The following PRKCA variants were observed in gnomAD, a reference collection of about 807,000 sequenced individuals.
PRKCA encodes protein kinase C alpha.
A neutral mutation model predicts 87.0 loss-of-function variants in PRKCA; 27 were observed. The observed-to-expected ratio is 0.31, with a 90% CI of 0.23 to 0.43. The LOEUF is 0.43. Ranked by LOEUF, PRKCA falls within the 20% of genes least tolerant of loss-of-function variation. PRKCA has a pLI of 1.00. For missense variants in PRKCA, 518 were observed against 852.3 expected (o/e 0.61, Z 4.88); for synonymous variants, 329 against 311.1 (o/e 1.06, Z -0.61).
chr17:66,470,292 C>A (rs1192273516), intron 2 of PRKCA, among the ~76,000 whole-genome samples: 16 of 144,204 alleles, frequency 1.1e-4, no homozygotes, highest in Non-Finnish European at 2.4e-4. Flanking sequence ...TGCCACCCCC[C>A]CTCCCCAACC....
intron 2 of PRKCA, among the ~76,000 whole-genome samples, chr17:66,482,098 C>CAAAAAAAAAAAAAAAAAAAAAA (rs58719328): frequency 1.1e-5 from 1 of 89,344 alleles, no homozygotes; most frequent in Non-Finnish European, 2.1e-5. Flanking sequence ...AAGACTGTCT[C>CAAAAAAAAAAAAAAAAAAAAAA]AAAAAAAAAA....
chr17:66,367,646 A>G (rs995222045), intron 2 of PRKCA, among the ~76,000 whole-genome samples: 1 of 152,150 alleles, frequency 6.6e-6, no homozygotes, highest in African/African-American at 2.4e-5. Context: ...TCCTGGTTAA[A>G]TGTCTACTTA....
intron 2 of PRKCA, among the ~76,000 whole-genome samples, chr17:66,349,453 G>A (rs1907601811): frequency 6.6e-6 from 1 of 152,106 alleles, no homozygotes; most frequent in African/African-American, 2.4e-5. Context: ...GACCTGGCTT[G>A]GTGAGTATGG....
intron 2 of PRKCA, among the ~76,000 whole-genome samples, chr17:66,465,963 G>A (rs982223280): frequency 6.6e-6 from 1 of 151,956 alleles, no homozygotes; most frequent in Non-Finnish European, 1.5e-5. Context: ...ATAGCCTAAT[G>A]TAATCTCAGC....
At chr17:66,673,334 G>A (rs535879971) in intron 5 of PRKCA, among the ~76,000 whole-genome samples, 2 of 152,252 alleles carry the variant, frequency 1.3e-5, no homozygotes, top group East Asian at 3.9e-4. Context: ...ACGTGAATGG[G>A]ACAGAAATTC....
At chr17:66,616,395 G>T (rs112307201) in intron 3 of PRKCA, among the ~76,000 whole-genome samples, 1 of 152,150 alleles carries the variant, frequency 6.6e-6, no homozygotes, top group South Asian at 2.1e-4. Context: ...CTTTCCTCAC[G>T]TAGATGATGA....
At chr17:66,593,232 C>T (rs190461156) in intron 3 of PRKCA, among the ~76,000 whole-genome samples, 2 of 152,244 alleles carry the variant, frequency 1.3e-5, no homozygotes, top group Admixed American at 1.3e-4. Context: ...GTGTTTCCTC[C>T]CATGTAGCAG....
chr17:66,713,067 T>TTTTTTTTTG (rs1403247186), intron 8 of PRKCA, among the ~76,000 whole-genome samples: 11 of 145,666 alleles, frequency 7.6e-5, no homozygotes, highest in Non-Finnish European at 9.0e-5. Flanking sequence ...TTTTTTTTTT[T>TTTTTTTTTG]TTGAGATGGA....
At chr17:66,784,720 T>G (rs1450080624) in intron 14 of PRKCA, among the ~76,000 whole-genome samples, 1 of 152,222 alleles carries the variant, frequency 6.6e-6, no homozygotes, top group Non-Finnish European at 1.5e-5. Flanking sequence ...AAGGATGACC[T>G]GCACTGTAGC....
intron 14 of PRKCA, chr17:66,775,002 G>A (rs1276790254): frequency 1.3e-5 from 13 of 985,416 alleles, no homozygotes; most frequent in Non-Finnish European, 1.6e-5. Context: ...TGTCATCAGG[G>A]TGAATCGTAC....
At chr17:66,447,901 A>T (rs916621788) in intron 2 of PRKCA, among the ~76,000 whole-genome samples, 2 of 151,680 alleles carry the variant, frequency 1.3e-5, no homozygotes, top group African/African-American at 2.4e-5. Context: ...AGAACTAGGG[A>T]CTCCTGTGCC....
At chr17:66,638,369 A>G (rs1971201194) in intron 3 of PRKCA, 1 of 152,072 alleles carries the variant, frequency 6.6e-6, no homozygotes, top group Admixed American at 6.6e-5. Flanking sequence ...ACTGTTTCAT[A>G]TAAAAAAAAA....
At chr17:66,569,741 CAG>C (rs1380384370) in intron 3 of PRKCA, among the ~76,000 whole-genome samples, 1 of 152,110 alleles carries the variant, frequency 6.6e-6, no homozygotes, top group African/African-American at 2.4e-5. Flanking sequence ...GGGATGTCAC[CAG>C]CAGTCGTAAG....
intron 8 of PRKCA, among the ~76,000 whole-genome samples, chr17:66,691,790 C>T (rs1288927388): frequency 6.6e-6 from 1 of 152,142 alleles, no homozygotes; most frequent in Non-Finnish European, 1.5e-5. Context: ...AGAGTGCATT[C>T]GAGGGAGGAA....
intron 16 of PRKCA, among the ~76,000 whole-genome samples, chr17:66,798,378 CGGTGGTGGTGGT>C (rs1191158029): frequency 7.3e-5 from 4 of 54,980 alleles, no homozygotes; most frequent in African/African-American, 1.4e-4. Flanking sequence ...TTTCAGTAGG[CGGTGGTGGTGGT>C]GGTGGTGGTG....
chr17:66,620,033 C>G (rs1322487200), intron 3 of PRKCA, among the ~76,000 whole-genome samples: 1 of 152,106 alleles, frequency 6.6e-6, no homozygotes, highest in African/African-American at 2.4e-5. Context: ...CCTTAAATAG[C>G]CACAGTGGGG....
At chr17:66,533,603 T>C (rs1967646574) in intron 3 of PRKCA, among the ~76,000 whole-genome samples, 1 of 152,230 alleles carries the variant, frequency 6.6e-6, no homozygotes, top group Non-Finnish European at 1.5e-5. Flanking sequence ...AGACTCATCT[T>C]GCCCATTCAT....
intron 2 of PRKCA, among the ~76,000 whole-genome samples, chr17:66,465,803 C>G (rs1337298430): frequency 2.0e-5 from 3 of 152,208 alleles, no homozygotes; most frequent in Non-Finnish European, 2.9e-5. Flanking sequence ...ATTCCACAAC[C>G]TCTTTCCACC....
At chr17:66,486,673 C>G (rs568244078) in intron 2 of PRKCA, among the ~76,000 whole-genome samples, 2 of 152,256 alleles carry the variant, frequency 1.3e-5, no homozygotes, top group Non-Finnish European at 1.5e-5. Context: ...TCTCTCATGG[C>G]TTGGTCCACA....
Sources: gnomAD v4.1 joint callset for allele counts (sites outside exome capture counted in the v4.1 genomes callset) on GRCh38, gnomAD v4.1.1 for gene constraint, MANE v1.5 for transcripts, NCBI Gene and HGNC (gene_info 2026-07-23, HGNC 2026-07-21) for gene names.